The following HS6ST3 variants were observed in gnomAD, a reference collection of about 807,000 sequenced individuals.
HS6ST3 encodes the protein heparan-sulfate 6-O-sulfotransferase 3.
In HS6ST3, 12 loss-of-function variants were observed where a neutral mutation model predicts 36.7. The ratio of observed to expected loss-of-function variants is 0.33; its 90% CI spans 0.21 to 0.53. HS6ST3 has a LOEUF of 0.53. HS6ST3 is among the 20% of genes least tolerant of loss of function. The pLI, the probability that HS6ST3 is intolerant of heterozygous loss-of-function variation, is 0.95. For synonymous variants in HS6ST3, 240 were observed against 257.5 expected (o/e 0.93, Z 0.65); for missense variants, 584 against 640.9 (o/e 0.91, Z 0.96).
chr13:96,208,169 A>G (rs1006604375), intron 1 of HS6ST3, among the ~76,000 whole-genome samples: 2 of 152,160 alleles, frequency 1.3e-5, no homozygotes, highest in Admixed American at 6.6e-5. Flanking sequence ...CTCCCTCCAT[A>G]TATTTTTAAA....
At chr13:96,765,225 AC>A (rs1877074699) in intron 1 of HS6ST3, among the ~76,000 whole-genome samples, 1 of 151,328 alleles carries the variant, frequency 6.6e-6, no homozygotes, top group Non-Finnish European at 1.5e-5. Context: ...GGCAGCCGCC[AC>A]CGCGCCTGGC....
chr13:96,641,827 A>C (rs2056571265), intron 1 of HS6ST3, among the ~76,000 whole-genome samples: 1 of 151,898 alleles, frequency 6.6e-6, no homozygotes, highest in South Asian at 2.1e-4. Context: ...ATTGTAAAAG[A>C]AATTATATAT....
chr13:96,481,698 G>A (rs1431151719), intron 1 of HS6ST3, among the ~76,000 whole-genome samples: 1 of 152,118 alleles, frequency 6.6e-6, no homozygotes, highest in Non-Finnish European at 1.5e-5. Flanking sequence ...TGGGCAACTT[G>A]CAGCCTCTCT....
At chr13:96,166,988 C>T (rs7324113) in intron 1 of HS6ST3, among the ~76,000 whole-genome samples, 65,353 of 151,890 alleles carry the variant, frequency 0.43, 14,266 homozygotes, top group Middle Eastern at 0.49. Flanking sequence ...GTTTGCTTCC[C>T]TTCCCACATG....
At chr13:96,564,168 G>A (rs1055309050) in intron 1 of HS6ST3, among the ~76,000 whole-genome samples, 1 of 152,122 alleles carries the variant, frequency 6.6e-6, no homozygotes, top group Non-Finnish European at 1.5e-5. Context: ...GAGTAATTAG[G>A]CAACTTAGCA....
chr13:96,452,283 T>A (rs1410338), intron 1 of HS6ST3, among the ~76,000 whole-genome samples: 6,954 of 152,214 alleles, frequency 0.046, 232 homozygotes, highest in Non-Finnish European at 0.066. Flanking sequence ...TGGAACAATA[T>A]TGAGTTTGTG....
chr13:96,161,981 CAAA>C, intron 1 of HS6ST3, among the ~76,000 whole-genome samples: 1 of 151,952 alleles, frequency 6.6e-6, no homozygotes, highest in South Asian at 2.1e-4. Flanking sequence ...CATTTATAAA[CAAA>C]AACAAACGTT....
chr13:96,667,582 A>G (rs1215405306), intron 1 of HS6ST3, among the ~76,000 whole-genome samples: 1 of 152,148 alleles, frequency 6.6e-6, no homozygotes, highest in Non-Finnish European at 1.5e-5. Flanking sequence ...GTAAATGTAA[A>G]TTTCACTGAA....
chr13:96,668,779 CAA>C (rs35044138), intron 1 of HS6ST3, among the ~76,000 whole-genome samples: 3 of 100,568 alleles, frequency 3.0e-5, no homozygotes, highest in African/African-American at 7.0e-5. Flanking sequence ...CTAGATATTT[CAA>C]AAAAAAAAAG....
At chr13:96,092,070 CA>C (rs1034889568) in intron 1 of HS6ST3, among the ~76,000 whole-genome samples, 1 of 152,224 alleles carries the variant, frequency 6.6e-6, no homozygotes. Context: ...TTTTGGATGG[CA>C]GCTCAGGAAA....
intron 1 of HS6ST3, among the ~76,000 whole-genome samples, chr13:96,508,284 A>AT (rs1302102127): frequency 1.8e-4 from 27 of 151,324 alleles, no homozygotes; most frequent in Middle Eastern, 3.4e-3. Context: ...TGTAGTTTTC[A>AT]TTTTTTTTGC....
chr13:96,515,892 A>G (rs948432740), intron 1 of HS6ST3, among the ~76,000 whole-genome samples: 3 of 152,178 alleles, frequency 2.0e-5, no homozygotes, highest in African/African-American at 7.2e-5. Context: ...CGTATAGTAT[A>G]GTCTAAGATA....
intron 1 of HS6ST3, among the ~76,000 whole-genome samples, chr13:96,721,879 A>G (rs1225806721): frequency 6.6e-6 from 1 of 152,226 alleles, no homozygotes; most frequent in African/African-American, 2.4e-5. Flanking sequence ...TTTCACTTTA[A>G]ATCAGGTTTT....
chr13:96,240,537 T>C (rs1478499534), intron 1 of HS6ST3, among the ~76,000 whole-genome samples: 1 of 152,186 alleles, frequency 6.6e-6, no homozygotes, highest in African/African-American at 2.4e-5. Context: ...CTAAGCCTTT[T>C]ATTTAAGTAG....
intron 1 of HS6ST3, among the ~76,000 whole-genome samples, chr13:96,095,677 C>T (rs1316850249): frequency 1.3e-5 from 2 of 152,166 alleles, no homozygotes; most frequent in African/African-American, 4.8e-5. Context: ...AAATGTTCTT[C>T]ATATCTAATA....
At chr13:96,752,572 T>C (rs574011343) in intron 1 of HS6ST3, among the ~76,000 whole-genome samples, 27 of 152,302 alleles carry the variant, frequency 1.8e-4, no homozygotes, top group African/African-American at 6.5e-4. Flanking sequence ...TGCTGTAAAA[T>C]GTGTTTTTAG....
chr13:96,397,038 T>C (rs2055425649), intron 1 of HS6ST3, among the ~76,000 whole-genome samples: 1 of 152,070 alleles, frequency 6.6e-6, no homozygotes. Flanking sequence ...ACCCTGTCTC[T>C]ACTAAAAATA....
intron 1 of HS6ST3, among the ~76,000 whole-genome samples, chr13:96,647,868 T>C (rs569241813): frequency 8.5e-5 from 13 of 152,164 alleles, no homozygotes; most frequent in African/African-American, 3.1e-4. Flanking sequence ...TTCTGGAATT[T>C]AGCTTCTTAC....
At chr13:96,436,084 G>A (rs2055640289) in intron 1 of HS6ST3, among the ~76,000 whole-genome samples, 1 of 152,094 alleles carries the variant, frequency 6.6e-6, no homozygotes, top group African/African-American at 2.4e-5. Flanking sequence ...TTTCTGCAAG[G>A]AATTGGAAGT....
Sources: allele counts gnomAD v4.1 joint callset (sites outside exome capture counted in the v4.1 genomes callset), GRCh38; gene constraint gnomAD v4.1.1; transcripts MANE v1.5; gene names NCBI Gene and HGNC (gene_info 2026-07-23, HGNC 2026-07-21).